Variants in SGCZ observed in about 807,000 individuals in gnomAD.
SGCZ encodes sarcoglycan zeta, also known as zeta-sarcoglycan.
A neutral mutation model predicts 41.3 loss-of-function variants in SGCZ; 40 were observed. The ratio of observed to expected loss-of-function variants is 0.97; its 90% confidence interval spans 0.75 to 1.26. The LOEUF (loss-of-function observed/expected upper bound fraction) is 1.26. Among genes scored for constraint, SGCZ ranks in the 50% most tolerant of loss-of-function variants. The pLI is 0.00. For missense variants in SGCZ, 552 were observed against 369.8 expected (o/e 1.49, Z -4.04); for synonymous variants, 206 against 137.5 (o/e 1.50, Z -3.49).
chr8:14,931,992 T>C (rs1225115842), intron 1 of SGCZ, among the ~76,000 whole-genome samples: 1 of 151,972 alleles, frequency 6.6e-6, no homozygotes, highest in Admixed American at 6.5e-5. Flanking sequence ...CTGCATCATA[T>C]TTCCATAATT....
intron 2 of SGCZ, among the ~76,000 whole-genome samples, chr8:14,552,464 T>A (rs1466600118): frequency 2.0e-5 from 3 of 152,092 alleles, no homozygotes; most frequent in Admixed American, 6.6e-5. Flanking sequence ...AGGACAGTTT[T>A]CCTTCTGATT....
intron 1 of SGCZ, among the ~76,000 whole-genome samples, chr8:15,044,444 G>C (rs1253655738): frequency 6.6e-6 from 1 of 151,922 alleles, no homozygotes; most frequent in Non-Finnish European, 1.5e-5. Context: ...TTTGCCTTTT[G>C]GTGAAAATAT....
intron 1 of SGCZ, 34 bp from the exon 2 acceptor site, chr8:14,554,960 G>GAA: frequency 1.5e-6 from 2 of 1,368,496 alleles, no homozygotes; most frequent in Non-Finnish European, 1.9e-6. Context: ...GAGAAAGAAG[G>GAA]AAAAAAAAAG....
At chr8:14,282,576 C>G (rs926583639) in intron 3 of SGCZ, among the ~76,000 whole-genome samples, 5 of 152,012 alleles carry the variant, frequency 3.3e-5, no homozygotes, top group Non-Finnish European at 7.4e-5. Context: ...ACTGTTTACT[C>G]CACTCTTCCT....
chr8:14,523,301 T>G (rs926748540), intron 2 of SGCZ, among the ~76,000 whole-genome samples: 1 of 152,040 alleles, frequency 6.6e-6, no homozygotes, highest in African/African-American at 2.4e-5. Flanking sequence ...TTTATTATTT[T>G]ATTTCTACTT....
At chr8:14,798,542 G>C (rs28690756) in intron 1 of SGCZ, among the ~76,000 whole-genome samples, 14,455 of 152,076 alleles carry the variant, frequency 0.095, 1,099 homozygotes, top group African/African-American at 0.2. Flanking sequence ...AAAAAAGCAA[G>C]ACTTTGGAAA....
At chr8:14,176,380 A>C in intron 4 of SGCZ, among the ~76,000 whole-genome samples, 1 of 152,238 alleles carries the variant, frequency 6.6e-6, no homozygotes, top group East Asian at 1.9e-4. Context: ...TTTTATGTTT[A>C]TAATTTAAAA....
intron 1 of SGCZ, among the ~76,000 whole-genome samples, chr8:14,631,560 T>C (rs1344406025): frequency 6.6e-6 from 1 of 152,082 alleles, no homozygotes; most frequent in Non-Finnish European, 1.5e-5. Flanking sequence ...TAAATGGATA[T>C]GAATAAAGTC....
At chr8:15,231,667 G>C (rs537772628) in intron 1 of SGCZ, among the ~76,000 whole-genome samples, 1 of 138,628 alleles carries the variant, frequency 7.2e-6, no homozygotes, top group Admixed American at 8.0e-5. Context: ...TGTCACCCAG[G>C]CTGGAGTCCA....
intron 2 of SGCZ, among the ~76,000 whole-genome samples, chr8:14,366,825 G>C (rs1803725033): frequency 6.6e-6 from 1 of 152,112 alleles, no homozygotes; most frequent in African/African-American, 2.4e-5. Context: ...TAGATACAAT[G>C]AGGATAAAGG....
chr8:14,644,887 C>A (rs1265475325), intron 1 of SGCZ, among the ~76,000 whole-genome samples: 1 of 151,262 alleles, frequency 6.6e-6, no homozygotes, highest in Non-Finnish European at 1.5e-5. Context: ...TTCTTTCTCA[C>A]TGATTCAGAT....
At chr8:14,372,856 C>G (rs1037781696) in intron 2 of SGCZ, among the ~76,000 whole-genome samples, 1 of 152,020 alleles carries the variant, frequency 6.6e-6, no homozygotes, top group African/African-American at 2.4e-5. Context: ...TGTAGAGAAG[C>G]AGTAGCAGTT....
intron 3 of SGCZ, among the ~76,000 whole-genome samples, chr8:14,259,361 T>G (rs1202093928): frequency 1.3e-5 from 2 of 151,840 alleles, no homozygotes; most frequent in Admixed American, 6.6e-5. Flanking sequence ...TTGCTTTTGG[T>G]GTTTTAGACA....
intron 3 of SGCZ, among the ~76,000 whole-genome samples, chr8:14,310,268 G>A (rs1336431875): frequency 6.6e-6 from 1 of 151,954 alleles, no homozygotes; most frequent in Non-Finnish European, 1.5e-5. Context: ...TTTTCCTCAT[G>A]TAACATTGGT....
At chr8:14,817,690 C>T (rs749161294) in intron 1 of SGCZ, among the ~76,000 whole-genome samples, 67 of 152,188 alleles carry the variant, frequency 4.4e-4, no homozygotes, top group African/African-American at 7.0e-4. Context: ...ACCCTCATTC[C>T]GCCAGGGAAC....
chr8:15,019,632 A>C (rs1803177607), intron 1 of SGCZ, among the ~76,000 whole-genome samples: 1 of 151,536 alleles, frequency 6.6e-6, no homozygotes, highest in Non-Finnish European at 1.5e-5. Context: ...TTGCTGGACA[A>C]AGGGAGGTGG....
intron 1 of SGCZ, among the ~76,000 whole-genome samples, chr8:15,166,205 A>G (rs553537844): frequency 6.6e-6 from 1 of 150,474 alleles, no homozygotes; most frequent in South Asian, 2.1e-4. Context: ...GTTCAGGTAC[A>G]TGGGATTGCC....
chr8:14,206,517 A>G, intron 4 of SGCZ, among the ~76,000 whole-genome samples: 1 of 152,212 alleles, frequency 6.6e-6, no homozygotes, highest in Non-Finnish European at 1.5e-5. Context: ...AGAGTTATAA[A>G]ACATTTGAAA....
intron 1 of SGCZ, among the ~76,000 whole-genome samples, chr8:14,882,067 C>G (rs1804610008): frequency 6.6e-6 from 1 of 152,170 alleles, no homozygotes; most frequent in Non-Finnish European, 1.5e-5. Context: ...TGGGACGCAG[C>G]AAAAGCAGTG....
Sources: allele counts gnomAD v4.1 joint callset (sites outside exome capture counted in the v4.1 genomes callset), GRCh38; gene constraint gnomAD v4.1.1; transcripts MANE v1.5; gene names NCBI Gene and HGNC (gene_info 2026-07-23, HGNC 2026-07-21).